Variants in GLCCI1 observed in about 807,000 individuals in gnomAD.
GLCCI1 encodes the protein glucocorticoid-induced transcript 1 protein.
GLCCI1 carries 24 observed loss-of-function variants against 52.2 expected under a neutral mutation model. The observed-to-expected ratio is 0.46, with a 90% CI of 0.33 to 0.65. GLCCI1 has a LOEUF of 0.65. Ranked by LOEUF, GLCCI1 falls within the 30% of genes least tolerant of loss-of-function variation. GLCCI1 has a pLI of 0.02. For synonymous variants in GLCCI1, 310 were observed against 276.5 expected (o/e 1.12, Z -1.20); for missense variants, 704 against 701.5 (o/e 1.00, Z -0.04).
chr7:8,042,582 C>T (rs975332850), intron 3 of GLCCI1, among the ~76,000 whole-genome samples: 1 of 152,158 alleles, frequency 6.6e-6, no homozygotes, highest in Non-Finnish European at 1.5e-5. Context: ...AGGCTGAGAT[C>T]ACTTAAGCCC....
At chr7:7,971,618 CACTA>C (rs1439022755) in intron 1 of GLCCI1, among the ~76,000 whole-genome samples, 1 of 152,128 alleles carries the variant, frequency 6.6e-6, no homozygotes, top group African/African-American at 2.4e-5. Flanking sequence ...TGTATATAAA[CACTA>C]ACATCTTACA....
chr7:7,992,902 T>C (rs1780870465), intron 1 of GLCCI1, among the ~76,000 whole-genome samples: 1 of 152,162 alleles, frequency 6.6e-6, no homozygotes, highest in African/African-American at 2.4e-5. Flanking sequence ...TCTAAGTTTT[T>C]CCTGAGTTTG....
At position 8,084,902 on chromosome 7, in the gene GLCCI1, G is replaced by T. The variant is rs777152157; in HGVS notation, c.1183G>T (p.Gly395Trp). The change falls in exon 7 of 8, where the codon GGG (glycine) becomes TGG (tryptophan). Residue 395 changes from glycine (G) to tryptophan (W), a missense_variant. Physicochemically the swap from Gly to Trp is radical, Grantham distance 184 (BLOSUM62 -2). This residue lies in a region of GLCCI1 where 547 missense variants were observed against 524.8 expected (regional missense o/e 1.04). Transcript: ENST00000223145. Reference protein sequence around the residue: ...DLLYDRDKDSGSSSPLPKYAS... With the variant: ...DLLYDRDKDSWSSSPLPKYAS... ...TAACTGCTTTAAATTTACAGACAGT[G>T]GGAGTAGCTCACCGTTACCCAAGTA... 1.2e-5 allele frequency: 20 copies of T among 1,613,516 alleles called. No individual in the cohort carries two copies. The highest frequency in any genetic ancestry group is 2.7e-5 in the African/African-American group (2 of 74,906).
At chr7:8,021,910 A>G (rs1017236096) in intron 2 of GLCCI1, among the ~76,000 whole-genome samples, 14 of 152,124 alleles carry the variant, frequency 9.2e-5, no homozygotes, top group Non-Finnish European at 1.8e-4. Context: ...TATTCTGTTT[A>G]TTTAGCTTAT....
intron 6 of GLCCI1, among the ~76,000 whole-genome samples, chr7:8,075,836 G>T (rs183533737): frequency 1.3e-5 from 2 of 152,268 alleles, no homozygotes; most frequent in African/African-American, 4.8e-5. Context: ...TTTTCCTGAA[G>T]GAACAGTGTA....
intron 3 of GLCCI1, among the ~76,000 whole-genome samples, chr7:8,026,161 A>G (rs958540458): frequency 2.6e-5 from 4 of 152,324 alleles, no homozygotes; most frequent in Middle Eastern, 3.4e-3. Context: ...TATAGTTTCT[A>G]TTTGACTGAT....
rs1304896453 is a variant in GLCCI1, at chr7:8,088,855, AGTT to A, written c.*2322_*2324del. On this transcript the variant is annotated 3_prime_UTR_variant, in exon 8 of 8. Transcript: ENST00000223145. ...CGCTTTGCCATGTAAATTTCCCAGA[AGTT>A]GTTGAGCTCAAATGTATCCTACATC... 8.7e-4 allele frequency: 133 copies of A among 152,772 alleles called. No individual in the cohort carries two copies. The highest frequency in any genetic ancestry group is 3.0e-3 in the African/African-American group (124 of 41,590). 9.5% of individuals were successfully genotyped at this position (152,772 alleles called of 1,614,324 possible).
intron 5 of GLCCI1, among the ~76,000 whole-genome samples, chr7:8,060,675 T>C (rs1782494477): frequency 6.6e-6 from 1 of 152,246 alleles, no homozygotes; most frequent in Non-Finnish European, 1.5e-5. Context: ...TTCCTTTTTA[T>C]GGCCAAATAT....
chr7:7,988,960 G>T (rs1190729813), intron 1 of GLCCI1, among the ~76,000 whole-genome samples: 6 of 151,956 alleles, frequency 3.9e-5, no homozygotes, highest in Non-Finnish European at 7.4e-5. Context: ...ATTCTTATGT[G>T]GTCCTCCTCA....
intron 6 of GLCCI1, among the ~76,000 whole-genome samples, chr7:8,078,015 A>C (rs112176605): frequency 0.035 from 5,340 of 151,976 alleles, 271 homozygotes; most frequent in African/African-American, 0.11. Context: ...CAGGCGGATA[A>C]CGAGGTCAGG....
intron 3 of GLCCI1, among the ~76,000 whole-genome samples, chr7:8,054,050 TA>T (rs934238385): frequency 4.6e-5 from 7 of 152,182 alleles, no homozygotes; most frequent in African/African-American, 1.7e-4. Context: ...TATGTTTAAA[TA>T]TTTTTTTAAA....
intron 5 of GLCCI1, among the ~76,000 whole-genome samples, chr7:8,062,822 G>C (rs1417266261): frequency 1.3e-5 from 2 of 152,188 alleles, no homozygotes; most frequent in Admixed American, 1.3e-4. Context: ...TGGCTGCATA[G>C]TATTCCATGG....
chr7:8,068,858 G>T (rs1268840912), intron 5 of GLCCI1, among the ~76,000 whole-genome samples: 1 of 152,172 alleles, frequency 6.6e-6, no homozygotes, highest in African/African-American at 2.4e-5. Flanking sequence ...TTTATTTGTA[G>T]CTGACTTATT....
At chr7:8,041,540 A>G (rs1045181024) in intron 3 of GLCCI1, among the ~76,000 whole-genome samples, 1 of 152,212 alleles carries the variant, frequency 6.6e-6, no homozygotes, top group African/African-American at 2.4e-5. Context: ...AGAGAAGTTG[A>G]TGATGCCTGG....
chr7:8,013,391 C>T (rs1395946208), intron 2 of GLCCI1, among the ~76,000 whole-genome samples: 2 of 152,010 alleles, frequency 1.3e-5, no homozygotes, highest in African/African-American at 2.4e-5. Context: ...AATTTCCATT[C>T]TTATTTGGAT....
chr7:7,977,444 T>C (rs1780515604), intron 1 of GLCCI1, among the ~76,000 whole-genome samples: 3 of 152,180 alleles, frequency 2.0e-5, no homozygotes. Context: ...CTGTTTTCTC[T>C]AGAACTAATT....
chr7:8,087,002 G>A lies in GLCCI1; in HGVS notation c.*464G>A, dbSNP rs1304166416. On this transcript the variant is annotated 3_prime_UTR_variant, in exon 8 of 8. Coordinates refer to ENST00000223145, the MANE Select transcript of GLCCI1 (RefSeq NM_138426.4). ...ATGCAAAAAAAAAAAAAAAAAAATG[G>A]CCACAACAGTTGCACAGTGCCCACC... is the stretch of plus-strand genomic sequence containing the variant. The A allele has an allele frequency of 6.6e-6, 1 of 150,756 alleles. No homozygotes were observed. The highest frequency in any genetic ancestry group is 1.5e-5 in the Non-Finnish European group (1 of 68,808). 9.3% of individuals were successfully genotyped at this position (150,756 alleles called of 1,614,324 possible).
chr7:8,082,254 CT>C (rs1783011881), intron 6 of GLCCI1, among the ~76,000 whole-genome samples: 1 of 152,144 alleles, frequency 6.6e-6, no homozygotes, highest in African/African-American at 2.4e-5. Flanking sequence ...TTAAAGCGTG[CT>C]GCTTTGTAAG....
chr7:8,087,867 C>T lies in GLCCI1; in HGVS notation c.*1329C>T, dbSNP rs1783151147. ...ATAAACTCAAGAAAATAGCCTTGAA[C>T]TTGCAGACTTTTGACACAAGTTCTC... On this transcript the variant is annotated 3_prime_UTR_variant, in exon 8 of 8. Coordinates refer to ENST00000223145, the MANE Select transcript of GLCCI1 (RefSeq NM_138426.4). The T allele has an allele frequency of 6.6e-6, 1 of 152,628 alleles. No homozygotes were observed. Among genetic ancestry groups the T allele is most frequent in the South Asian group, 2.1e-4 (1 of 4,830 alleles). 9.5% of individuals were successfully genotyped at this position (152,628 alleles called of 1,614,324 possible). A position where few individuals can be genotyped will look rare whatever the true frequency, so the allele number is the denominator to read the frequency against.
Sources: allele counts gnomAD v4.1 joint callset (sites outside exome capture counted in the v4.1 genomes callset), GRCh38; gene constraint gnomAD v4.1.1; regional missense constraint gnomAD v4.1.1; transcripts MANE v1.5; gene names NCBI Gene and HGNC (gene_info 2026-07-23, HGNC 2026-07-21).